The following DOCK4 variants were observed in gnomAD, a reference collection of about 807,000 sequenced individuals.
The protein encoded by DOCK4 is dedicator of cytokinesis 4.
DOCK4 carries 97 observed loss-of-function variants against 268.1 expected under a neutral mutation model. The observed-to-expected ratio is 0.36, with a 90% CI of 0.31 to 0.43. DOCK4 has a LOEUF of 0.43. Among genes scored for constraint, DOCK4 ranks in the 20% least tolerant of loss-of-function variants. The pLI, the probability that DOCK4 is intolerant of heterozygous loss-of-function variation, is 1.00. For missense variants in DOCK4, 2,145 were observed against 2,455.7 expected (o/e 0.87, Z 2.67); for synonymous variants, 954 against 887.2 (o/e 1.08, Z -1.34).
At chr7:111,767,219 T>G in intron 37 of DOCK4, 101 bp from the exon 38 acceptor site, 2 of 710,104 alleles carry the variant, frequency 2.8e-6, no homozygotes, top group Non-Finnish European at 4.6e-6. Context: ...CAAGCCTTAC[T>G]CCTTAATCTT....
At chr7:111,895,775 T>C (rs1261322006) in intron 15 of DOCK4, 57 bp from the exon 16 acceptor site, 2 of 1,493,674 alleles carry the variant, frequency 1.3e-6, no homozygotes, top group Non-Finnish European at 1.9e-6. Flanking sequence ...GTACATAGTT[T>C]GTCAAGAAGC....
chr7:111,727,322 T>G lies in DOCK4; in HGVS notation c.*952A>C, dbSNP rs1794710521. The G allele has an allele frequency of 6.6e-6, 1 of 152,632 alleles. No homozygotes were observed. The highest frequency in any genetic ancestry group is 1.5e-5 in the Non-Finnish European group (1 of 68,032). 9.5% of individuals were successfully genotyped at this position (152,632 alleles called of 1,614,324 possible). ...TAATGCCCTTGCCTTTTATAAGTCC[T>G]TTTGCCATTTAATCGTGCTAATACA... On this transcript the variant is annotated 3_prime_UTR_variant, in exon 53 of 53. Coordinates refer to ENST00000428084, the MANE Select transcript of DOCK4 (RefSeq NM_001363540.2).
chr7:111,830,680 T>C (rs1460680848), intron 26 of DOCK4, among the ~76,000 whole-genome samples: 1 of 152,164 alleles, frequency 6.6e-6, no homozygotes, highest in African/African-American at 2.4e-5. Context: ...ATCATGAATA[T>C]ATTTAAACAT....
chr7:111,913,573 C>T (rs1290270588), intron 13 of DOCK4, among the ~76,000 whole-genome samples: 1 of 151,816 alleles, frequency 6.6e-6, no homozygotes, highest in Non-Finnish European at 1.5e-5. Context: ...CCACGCCCGG[C>T]TAATTTTTTG....
At chr7:111,990,754 G>C (rs1799456242) in intron 5 of DOCK4, among the ~76,000 whole-genome samples, 1 of 152,128 alleles carries the variant, frequency 6.6e-6, no homozygotes, top group South Asian at 2.1e-4. Context: ...GCCATTACAA[G>C]GCCACTGTAA....
At chr7:111,730,674 T>C (rs1285768134) in intron 52 of DOCK4, among the ~76,000 whole-genome samples, 2 of 152,192 alleles carry the variant, frequency 1.3e-5, no homozygotes, top group Admixed American at 1.3e-4. Flanking sequence ...TCTTATCAGT[T>C]AAGGCAGCAC....
intron 1 of DOCK4, among the ~76,000 whole-genome samples, chr7:112,042,260 T>C (rs866296473): frequency 2.6e-5 from 4 of 152,236 alleles, no homozygotes; most frequent in South Asian, 4.1e-4. Context: ...CCTATTCTAC[T>C]TACTAGAACA....
At chr7:111,943,170 C>T (rs1795340641) in intron 10 of DOCK4, among the ~76,000 whole-genome samples, 1 of 152,132 alleles carries the variant, frequency 6.6e-6, no homozygotes, top group Admixed American at 6.5e-5. Flanking sequence ...AAACTGAAGA[C>T]AAAGATAGGG....
At chr7:112,046,980 AT>A (rs1804881817) in intron 1 of DOCK4, among the ~76,000 whole-genome samples, 1 of 152,358 alleles carries the variant, frequency 6.6e-6, no homozygotes, top group East Asian at 1.9e-4. Flanking sequence ...TACTTTAAGT[AT>A]CCCAGAAAAC....
At chr7:111,825,552 C>A (rs1054975798) in intron 26 of DOCK4, among the ~76,000 whole-genome samples, 3 of 152,146 alleles carry the variant, frequency 2.0e-5, no homozygotes, top group Non-Finnish European at 2.9e-5. Context: ...CATTGCCATG[C>A]CTATAATATT....
At chr7:111,823,382 A>G (rs569963521) in intron 26 of DOCK4, among the ~76,000 whole-genome samples, 3 of 151,462 alleles carry the variant, frequency 2.0e-5, no homozygotes, top group African/African-American at 7.3e-5. Flanking sequence ...AATTTTTTGT[A>G]TTTTTAGTAG....
intron 1 of DOCK4, among the ~76,000 whole-genome samples, chr7:112,066,529 C>T (rs1010839956): frequency 2.5e-5 from 3 of 121,202 alleles, no homozygotes; most frequent in Admixed American, 8.8e-5. Context: ...TATACACACA[C>T]ACATATATAT....
At chr7:111,797,282 T>C in intron 30 of DOCK4, among the ~76,000 whole-genome samples, 1 of 152,184 alleles carries the variant, frequency 6.6e-6, no homozygotes. Context: ...AAAAAGCAAC[T>C]TTCAGGGGAA....
chr7:111,892,443 C>T (rs1452272204), intron 16 of DOCK4, among the ~76,000 whole-genome samples: 1 of 152,176 alleles, frequency 6.6e-6, no homozygotes, highest in East Asian at 1.9e-4. Context: ...TTCAGGTGAT[C>T]CACCAGCCTT....
At chr7:111,776,277 T>C (rs2133717134) in intron 36 of DOCK4, among the ~76,000 whole-genome samples, 1 of 152,256 alleles carries the variant, frequency 6.6e-6, no homozygotes, top group African/African-American at 2.4e-5. Flanking sequence ...ATAACCATGC[T>C]CCATGAAGTA....
Position 111,903,495 on chromosome 7 carries a change from G to T in DOCK4, c.1193-1694C>A, listed in dbSNP as rs866720959. On this transcript the variant is annotated intron_variant, in intron 13 of 52. Coordinates refer to ENST00000428084, the MANE Select transcript of DOCK4 (RefSeq NM_001363540.2). Reference sequence around the variant, plus strand: ...AAAATTATATTTGTGTGCTTTGAAAGTTTTCTGTTTTAACTATTTCCATTA... The same window carrying T: ...AAAATTATATTTGTGTGCTTTGAAATTTTTCTGTTTTAACTATTTCCATTA... 1.1e-4 allele frequency among the ~76,000 whole-genome samples: 17 copies of T among 152,242 alleles called. No individual in the cohort carries two copies. In the South Asian group the frequency reaches 2.3e-3, roughly 20 times the overall value.
At chr7:111,901,120 G>A (rs1297658048) in intron 14 of DOCK4, among the ~76,000 whole-genome samples, 1 of 152,110 alleles carries the variant, frequency 6.6e-6, no homozygotes, top group Non-Finnish European at 1.5e-5. Flanking sequence ...GATCACTTGA[G>A]GCCAGGAGTT....
intron 1 of DOCK4, among the ~76,000 whole-genome samples, chr7:112,185,613 A>T (rs73192992): frequency 6.6e-6 from 1 of 152,030 alleles, no homozygotes; most frequent in Non-Finnish European, 1.5e-5. Context: ...TTAAAAAAAA[A>T]AAAAGAAAAG....
chr7:111,901,530 CAG>C, intron 14 of DOCK4, 145 bp downstream of exon 14: 1 of 752,852 alleles, frequency 1.3e-6, no homozygotes, highest in East Asian at 3.0e-5. Flanking sequence ...GAAAACTACA[CAG>C]GGGTGAAGGA....
Sources: gnomAD v4.1 joint callset for allele counts (sites outside exome capture counted in the v4.1 genomes callset) on GRCh38, gnomAD v4.1.1 for gene constraint, MANE v1.5 for transcripts, NCBI Gene and HGNC (gene_info 2026-07-23, HGNC 2026-07-21) for gene names.